Variants in SGK3 observed in about 807,000 individuals in gnomAD.
The protein encoded by SGK3 is serine/threonine-protein kinase Sgk3.
Under a neutral mutation model 68.5 loss-of-function variants are expected in SGK3, and 47 were observed. The ratio of observed to expected loss-of-function variants is 0.69; its 90% confidence interval spans 0.54 to 0.87. The LOEUF (loss-of-function observed/expected upper bound fraction) is 0.87, where lower values mean the gene tolerates loss of function less well. Ranked by LOEUF, SGK3 falls within the 40% of genes least tolerant of loss-of-function variation. The probability of loss-of-function intolerance (pLI) is 0.00; values close to 1 mark genes in which losing one functional copy is unlikely to be tolerated. For synonymous variants in SGK3, 181 were observed against 189.1 expected, an observed-to-expected ratio of 0.96 and a Z score of 0.35; for missense variants, 479 against 575.5, an observed-to-expected ratio of 0.83 and a Z score of 1.72.
At chr8:66,858,831 T>C (rs1810633929) in intron 16 of SGK3, among the ~76,000 whole-genome samples, 1 of 152,130 alleles carries the variant, frequency 6.6e-6, no homozygotes, top group Non-Finnish European at 1.5e-5. Flanking sequence ...TTAATGTTGG[T>C]GAGTGTGGTC....
chr8:66,756,892 G>A (rs1341252377), intron 1 of SGK3, among the ~76,000 whole-genome samples: 1 of 151,406 alleles, frequency 6.6e-6, no homozygotes, highest in Non-Finnish European at 1.5e-5. Flanking sequence ...TGCCAGGCCA[G>A]CATCAACTAT....
chr8:66,746,576 C>CA (rs1163730353), intron 1 of SGK3, among the ~76,000 whole-genome samples: 1 of 151,744 alleles, frequency 6.6e-6, no homozygotes, highest in Admixed American at 6.6e-5. Flanking sequence ...TTTTTAAAGG[C>CA]AAAATCTCAT....
chr8:66,744,257 C>T (rs1406986355), intron 1 of SGK3, among the ~76,000 whole-genome samples: 1 of 151,756 alleles, frequency 6.6e-6, no homozygotes, highest in African/African-American at 2.4e-5. Context: ...CTTCTAGTTT[C>T]CACTGTTGCT....
chr8:66,723,089 T>TTATATA (rs1804843855), intron 1 of SGK3, among the ~76,000 whole-genome samples: 1 of 57,500 alleles, frequency 1.7e-5, no homozygotes, highest in African/African-American at 6.2e-5. Context: ...AAGATTTTGT[T>TTATATA]CATATATATA....
chr8:66,852,541 A>C (rs1164449401), intron 16 of SGK3, among the ~76,000 whole-genome samples: 1 of 152,176 alleles, frequency 6.6e-6, no homozygotes, highest in Non-Finnish European at 1.5e-5. Context: ...AGCCTCCCAG[A>C]GTGCTGGGAT....
chr8:66,751,254 G>A (rs532196453), intron 1 of SGK3, among the ~76,000 whole-genome samples: 3 of 152,232 alleles, frequency 2.0e-5, no homozygotes, highest in Non-Finnish European at 2.9e-5. Flanking sequence ...GTGGGAAAGC[G>A]TCTGCTTTTC....
chr8:66,798,605 T>G lies in SGK3; in HGVS notation c.160T>G (p.Phe54Val). 1.2e-6 allele frequency: 2 copies of G among 1,610,108 alleles called. No individual in the cohort carries two copies. The highest frequency in any genetic ancestry group is 1.7e-6 in the Non-Finnish European group (2 of 1,178,122). ...EWFVFRRYAEFDKLYNTLKKQ... is the reference protein window; with the variant it reads ...EWFVFRRYAEVDKLYNTLKKQ... ...GTTTGTCTTCAGGAGATATGCAGAGTTTGATAAACTTTATAACACTGTAAG... is the reference window on the plus strand; with the variant it reads ...GTTTGTCTTCAGGAGATATGCAGAGGTTGATAAACTTTATAACACTGTAAG... The change falls in exon 3 of 17, where the codon TTT (phenylalanine) becomes GTT (valine). Residue 54 changes from phenylalanine to valine, a missense_variant. Physicochemically the swap from Phe to Val is conservative, Grantham distance 50. This residue lies in a region of SGK3 where 298 missense variants were observed against 329.4 expected (regional missense o/e 0.90). Transcript: ENST00000521198.
At chr8:66,812,346 C>G (rs1808411407) in intron 4 of SGK3, among the ~76,000 whole-genome samples, 1 of 151,920 alleles carries the variant, frequency 6.6e-6, no homozygotes, top group Non-Finnish European at 1.5e-5. Context: ...ATCACAAGGT[C>G]AGGAGTTCAA....
chr8:66,836,706 A>G (rs1420621624), intron 10 of SGK3, among the ~76,000 whole-genome samples: 2 of 149,012 alleles, frequency 1.3e-5, no homozygotes, highest in African/African-American at 4.9e-5. Context: ...TTTCTTGGTG[A>G]TTCACAATAT....
At chr8:66,749,227 T>C (rs1805740375) in intron 1 of SGK3, among the ~76,000 whole-genome samples, 1 of 152,084 alleles carries the variant, frequency 6.6e-6, no homozygotes, top group Admixed American at 6.5e-5. Flanking sequence ...AGAAAAGTTA[T>C]TTTTGGCTGG....
chr8:66,786,859 A>G (rs1381098451), intron 1 of SGK3, among the ~76,000 whole-genome samples: 5 of 151,202 alleles, frequency 3.3e-5, no homozygotes, highest in Non-Finnish European at 1.5e-5. Flanking sequence ...CATACTTAAC[A>G]AATTTTTATG....
chr8:66,725,594 G>C (rs1454838879), intron 1 of SGK3, among the ~76,000 whole-genome samples: 1 of 151,434 alleles, frequency 6.6e-6, no homozygotes, highest in African/African-American at 2.4e-5. Flanking sequence ...TATATCTAGC[G>C]TTCTTTTTCC....
intron 1 of SGK3, among the ~76,000 whole-genome samples, chr8:66,785,139 G>A (rs1807147790): frequency 6.6e-6 from 1 of 152,242 alleles, no homozygotes; most frequent in South Asian, 2.1e-4. Context: ...CTTTCTTTCT[G>A]TAACGCAGTT....
chr8:66,845,636 C>A (rs1273338335), intron 14 of SGK3, among the ~76,000 whole-genome samples: 3 of 152,050 alleles, frequency 2.0e-5, no homozygotes, highest in African/African-American at 7.2e-5. Flanking sequence ...GATGCTTCTC[C>A]CACCTCAGCC....
intron 1 of SGK3, among the ~76,000 whole-genome samples, chr8:66,715,489 A>T (rs1399418380): frequency 6.6e-6 from 1 of 152,042 alleles, no homozygotes; most frequent in Non-Finnish European, 1.5e-5. Context: ...AACCCCTGAC[A>T]TGATCAGCCT....
intron 15 of SGK3, among the ~76,000 whole-genome samples, chr8:66,848,926 C>T (rs377278016): frequency 2.6e-5 from 4 of 152,156 alleles, no homozygotes; most frequent in Non-Finnish European, 2.9e-5. Flanking sequence ...CAACTTATGC[C>T]GCCCTCAGCA....
At chr8:66,735,835 G>T (rs970940322) in intron 1 of SGK3, among the ~76,000 whole-genome samples, 34 of 151,968 alleles carry the variant, frequency 2.2e-4, no homozygotes, top group African/African-American at 7.7e-4. Context: ...TTTCAATTTA[G>T]ATGTTTCTTT....
intron 1 of SGK3, among the ~76,000 whole-genome samples, chr8:66,742,351 A>G (rs1805506189): frequency 1.3e-5 from 2 of 151,868 alleles, no homozygotes; most frequent in African/African-American, 4.8e-5. Flanking sequence ...CATGTTATAT[A>G]TTTCTCCATT....
intron 5 of SGK3, among the ~76,000 whole-genome samples, chr8:66,816,441 G>A (rs757445730): frequency 2.0e-5 from 3 of 149,962 alleles, no homozygotes; most frequent in Non-Finnish European, 4.4e-5. Flanking sequence ...TGCCTCCCAG[G>A]TTCAAGTGAT....
Sources: gnomAD v4.1 joint callset for allele counts (sites outside exome capture counted in the v4.1 genomes callset) on GRCh38, gnomAD v4.1.1 for gene constraint, gnomAD v4.1.1 regional missense constraint, MANE v1.5 for transcripts, NCBI Gene and HGNC (gene_info 2026-07-23, HGNC 2026-07-21) for gene names.